The following QTMAN variants were observed in gnomAD, a reference collection of about 807,000 sequenced individuals.
QTMAN encodes the protein tRNA-queuosine alpha-mannosyltransferase.
chr2:144,260,158 G>A, the QTMAN span, among the ~76,000 whole-genome samples: 1 of 151,656 alleles, frequency 6.6e-6, no homozygotes, highest in Non-Finnish European at 1.5e-5. Context: ...CACTTAATGC[G>A]AATTCCTTAT....
chr2:144,188,348 A>T, the QTMAN span, among the ~76,000 whole-genome samples: 2 of 152,210 alleles, frequency 1.3e-5, no homozygotes, highest in African/African-American at 2.4e-5. Flanking sequence ...CACAGACTAC[A>T]TCTTAACCAT....
chr2:144,315,405 C>G, the QTMAN span, among the ~76,000 whole-genome samples: 4,923 of 152,144 alleles, frequency 0.032, 250 homozygotes, highest in African/African-American at 0.11. Flanking sequence ...ATAAATGTTC[C>G]CAGAACAAAT....
At chr2:143,944,351 T>G in the QTMAN span, 1 of 152,216 alleles carries the variant, frequency 6.6e-6, no homozygotes. Flanking sequence ...CATTACAGTC[T>G]TTATAAGGTT....
chr2:144,301,513 G>A, the QTMAN span, among the ~76,000 whole-genome samples: 4 of 152,202 alleles, frequency 2.6e-5, no homozygotes, highest in African/African-American at 7.2e-5. Context: ...ATGAGCCACC[G>A]CACCAGGCCT....
At chr2:144,201,668 T>C in the QTMAN span, among the ~76,000 whole-genome samples, 1 of 152,200 alleles carries the variant, frequency 6.6e-6, no homozygotes, top group Non-Finnish European at 1.5e-5. Flanking sequence ...AGTGCTAGCA[T>C]AGGCACTGGC....
the QTMAN span, among the ~76,000 whole-genome samples, chr2:144,265,309 T>TG: frequency 6.6e-6 from 1 of 152,352 alleles, no homozygotes; most frequent in African/African-American, 2.4e-5. Flanking sequence ...CCACTTTGCA[T>TG]GGCCTTGCAA....
the QTMAN span, among the ~76,000 whole-genome samples, chr2:144,259,980 CAAATTTAATATAACTAATAAA>C: frequency 6.6e-6 from 1 of 152,016 alleles, no homozygotes; most frequent in Non-Finnish European, 1.5e-5. Context: ...TGACAAGTTA[CAAATTTAATATAACTAATAAA>C]AATTTGGAGG....
the QTMAN span, chr2:143,944,855 T>A: frequency 2.4e-4 from 36 of 152,114 alleles, no homozygotes; most frequent in Middle Eastern, 3.4e-3. Context: ...TTCAATATTA[T>A]ATTTGCCTAA....
chr2:143,967,213 A>C, the QTMAN span, among the ~76,000 whole-genome samples: 4 of 152,360 alleles, frequency 2.6e-5, no homozygotes, highest in Admixed American at 2.6e-4. Flanking sequence ...GCACACTTTC[A>C]ATTAATGGAA....
the QTMAN span, among the ~76,000 whole-genome samples, chr2:143,986,585 A>G: frequency 6.6e-6 from 1 of 152,216 alleles, no homozygotes; most frequent in African/African-American, 2.4e-5. Context: ...AAGTAGTACC[A>G]TCTTAGCAAG....
At chr2:143,991,385 G>C in the QTMAN span, among the ~76,000 whole-genome samples, 1 of 151,398 alleles carries the variant, frequency 6.6e-6, no homozygotes, top group Admixed American at 6.5e-5. Flanking sequence ...ACTTCTCGGT[G>C]GGGGGTCAGC....
the QTMAN span, among the ~76,000 whole-genome samples, chr2:144,182,684 G>A: frequency 3.7e-3 from 513 of 138,522 alleles, 5 homozygotes; most frequent in African/African-American, 0.013. Context: ...TAAAAGTGCT[G>A]CAGGGCATGC....
At chr2:144,291,991 G>A in the QTMAN span, among the ~76,000 whole-genome samples, 2 of 152,196 alleles carry the variant, frequency 1.3e-5, no homozygotes, top group Non-Finnish European at 2.9e-5. Flanking sequence ...TGAACATTTG[G>A]TTTGAATTCT....
At chr2:144,057,860 C>T in the QTMAN span, among the ~76,000 whole-genome samples, 1 of 152,000 alleles carries the variant, frequency 6.6e-6, no homozygotes, top group African/African-American at 2.4e-5. Flanking sequence ...TTTCACTTTT[C>T]AGAGTAAGGG....
At chr2:144,063,244 C>A in the QTMAN span, among the ~76,000 whole-genome samples, 14 of 152,154 alleles carry the variant, frequency 9.2e-5, no homozygotes, top group African/African-American at 3.4e-4. Flanking sequence ...CCAATGATAA[C>A]CCTAGGTAGC....
At chr2:144,047,813 A>G in the QTMAN span, among the ~76,000 whole-genome samples, 1 of 152,250 alleles carries the variant, frequency 6.6e-6, no homozygotes, top group African/African-American at 2.4e-5. Context: ...CATACTTCAC[A>G]TTGTTGAAGT....
At chr2:144,036,515 TATC>T in the QTMAN span, among the ~76,000 whole-genome samples, 1 of 152,208 alleles carries the variant, frequency 6.6e-6, no homozygotes, top group East Asian at 1.9e-4. Flanking sequence ...CAAGATTATA[TATC>T]ATATTACATT....
chr2:144,262,554 A>G, the QTMAN span, among the ~76,000 whole-genome samples: 6 of 116,590 alleles, frequency 5.1e-5, no homozygotes, highest in Non-Finnish European at 1.0e-4. Flanking sequence ...TGGGTGACAG[A>G]GCAAGATGCT....
the QTMAN span, among the ~76,000 whole-genome samples, chr2:144,122,612 G>A: frequency 6.6e-6 from 1 of 152,080 alleles, no homozygotes; most frequent in East Asian, 1.9e-4. Flanking sequence ...ATTTCAATAA[G>A]CAACCTACCA....
Sources: gnomAD v4.1 joint callset for allele counts (sites outside exome capture counted in the v4.1 genomes callset) on GRCh38, gnomAD v4.1.1 for gene constraint, MANE v1.5 for transcripts, NCBI Gene and HGNC (gene_info 2026-07-23, HGNC 2026-07-21) for gene names.